The following RAD51B variants were observed in gnomAD, a reference collection of about 807,000 sequenced individuals.
RAD51B encodes the protein RAD51 paralog B, also known as DNA repair protein RAD51 homolog 2.
In RAD51B, 38 loss-of-function variants were observed where a neutral mutation model predicts 42.2. That is an observed-to-expected ratio of 0.90 (90% CI 0.70 to 1.18). The LOEUF is 1.18. Ranked by LOEUF, RAD51B falls within the 50% of genes most tolerant of loss-of-function variation. The pLI is 0.00. For missense variants in RAD51B, 373 were observed against 400.7 expected (o/e 0.93, Z 0.59); for synonymous variants, 154 against 145.2 (o/e 1.06, Z -0.43).
chr14:68,142,822 C>T (rs2078155631), intron 7 of RAD51B, among the ~76,000 whole-genome samples: 1 of 152,108 alleles, frequency 6.6e-6, no homozygotes, highest in Non-Finnish European at 1.5e-5. Context: ...GGAGACCACA[C>T]ATTTTGGATA....
intron 7 of RAD51B, among the ~76,000 whole-genome samples, chr14:67,940,782 G>GGA (rs551672892): frequency 6.7e-6 from 1 of 148,288 alleles, no homozygotes; most frequent in Non-Finnish European, 1.5e-5. Context: ...GTATCAGTAG[G>GGA]AAAAAAAAAA....
rs75861629 is a variant in RAD51B, at chr14:67,877,017, A to C, written c.453-8852A>C. ...TACTACCTCCATTTTATGAATTAGT[A>C]GTTATCAGTTGAGGGAGTAAGGCAG... On this transcript the variant is annotated intron_variant, in intron 5 of 10. Transcript: ENST00000471583. Among the ~76,000 whole-genome samples, 844 of 152,254 alleles carry C rather than the reference A, an allele frequency of 5.5e-3. 4 individuals carry two copies. The highest frequency in any genetic ancestry group is 8.8e-3 in the Non-Finnish European group (597 of 68,022).
intron 10 of RAD51B, among the ~76,000 whole-genome samples, chr14:68,641,934 G>T (rs1478839604): frequency 6.6e-6 from 1 of 151,480 alleles, no homozygotes; most frequent in African/African-American, 2.4e-5. Context: ...AACCAGCATT[G>T]CATACCTGAG....
At chr14:68,367,080 A>G (rs1258498500) in intron 8 of RAD51B, among the ~76,000 whole-genome samples, 2 of 152,342 alleles carry the variant, frequency 1.3e-5, no homozygotes, top group South Asian at 2.1e-4. Flanking sequence ...TTTTCAGAGC[A>G]TTTTGAAGTG....
At chr14:67,916,864 G>A (rs1461097702) in intron 7 of RAD51B, among the ~76,000 whole-genome samples, 1 of 152,180 alleles carries the variant, frequency 6.6e-6, no homozygotes, top group Non-Finnish European at 1.5e-5. Flanking sequence ...CCTTAGTGCA[G>A]TTTCCATTCT....
intron 7 of RAD51B, among the ~76,000 whole-genome samples, chr14:68,198,791 C>G (rs374145602): frequency 6.6e-6 from 1 of 152,196 alleles, no homozygotes; most frequent in African/African-American, 2.4e-5. Flanking sequence ...GACATTGACA[C>G]CAGTCTCCCA....
chr14:68,516,541 A>G (rs1263548477), intron 10 of RAD51B, among the ~76,000 whole-genome samples: 1 of 152,230 alleles, frequency 6.6e-6, no homozygotes, highest in Non-Finnish European at 1.5e-5. Context: ...AGGGAGGAAT[A>G]TTTTAATAGT....
intron 7 of RAD51B, among the ~76,000 whole-genome samples, chr14:68,196,821 A>G (rs970733844): frequency 1.3e-5 from 2 of 152,240 alleles, no homozygotes; most frequent in African/African-American, 2.4e-5. Flanking sequence ...TTTGGATCAA[A>G]TGCTATGCTT....
In RAD51B at chr14:68,650,791, CA is replaced by C; in HGVS notation, c.1048del (p.Ile350PhefsTer12). On this transcript the variant is annotated frameshift_variant, in exon 11 of 12. Transcript: ENST00000488612. LOFTEE classifies it high-confidence loss of function. Reference sequence around the variant, plus strand: ...TTTTTGTTTACACAGAATTTTGGCACATTTGCATATCTGGTTTCTCAATCCA... The same window carrying C: ...TTTTTGTTTACACAGAATTTTGGCACTTTGCATATCTGGTTTCTCAATCCA... The C allele has an allele frequency of 1.3e-6, 1 of 760,216 alleles. No homozygotes were observed. The highest frequency in any genetic ancestry group is 1.4e-5 in the South Asian group (1 of 73,906). The allele number at this position is 760,216 out of a possible 1,614,324, so 47.1% of individuals were successfully genotyped here. A position where few individuals can be genotyped will look rare whatever the true frequency, so the allele number is the denominator to read the frequency against.
At chr14:68,573,619 A>G (rs773747209) in intron 10 of RAD51B, among the ~76,000 whole-genome samples, 5 of 152,164 alleles carry the variant, frequency 3.3e-5, no homozygotes, top group Non-Finnish European at 5.9e-5. Flanking sequence ...TGTCTCTCCC[A>G]CGGGGAATAA....
At chr14:68,297,437 T>A (rs1235479467) in intron 8 of RAD51B, among the ~76,000 whole-genome samples, 1 of 152,212 alleles carries the variant, frequency 6.6e-6, no homozygotes, top group East Asian at 1.9e-4. Context: ...TTGTCCTGCA[T>A]TACCCAAATT....
intron 9 of RAD51B, among the ~76,000 whole-genome samples, chr14:68,428,667 TC>T (rs1435781764): frequency 6.9e-6 from 1 of 144,792 alleles, no homozygotes; most frequent in Non-Finnish European, 1.5e-5. Flanking sequence ...TAGCATAATG[TC>T]CCCCAGGTTC....
chr14:67,880,812 G>C (rs2042882410), intron 5 of RAD51B, among the ~76,000 whole-genome samples: 1 of 152,194 alleles, frequency 6.6e-6, no homozygotes, highest in East Asian at 1.9e-4. Context: ...AGAGTGTTAG[G>C]TTTTGTTTTA....
chr14:67,940,120 C>T (rs1251593725), intron 7 of RAD51B, among the ~76,000 whole-genome samples: 2 of 110,388 alleles, frequency 1.8e-5, no homozygotes, highest in Admixed American at 1.3e-4. Flanking sequence ...GTTGCCCAGC[C>T]TGGAGTGCAA....
intron 10 of RAD51B, among the ~76,000 whole-genome samples, chr14:68,517,255 G>GGGAAGT (rs948507777): frequency 7.9e-5 from 12 of 152,184 alleles, no homozygotes; most frequent in Middle Eastern, 3.4e-3. Context: ...GAAGGGGAAG[G>GGGAAGT]GGAAGGGAGG....
intron 7 of RAD51B, among the ~76,000 whole-genome samples, chr14:68,183,229 C>T (rs2079088225): frequency 6.6e-6 from 1 of 152,168 alleles, no homozygotes; most frequent in South Asian, 2.1e-4. Flanking sequence ...AGTAGGGAAA[C>T]CAACAGTGCA....
At chr14:68,184,636 A>AAC (rs1555370061) in intron 7 of RAD51B, among the ~76,000 whole-genome samples, 20 of 151,376 alleles carry the variant, frequency 1.3e-4, no homozygotes, top group South Asian at 4.2e-4. Flanking sequence ...AAAAAAAAAA[A>AAC]CAGGAAGAAG....
intron 8 of RAD51B, among the ~76,000 whole-genome samples, chr14:68,319,560 A>G (rs139802763): frequency 6.6e-6 from 1 of 152,172 alleles, no homozygotes; most frequent in Non-Finnish European, 1.5e-5. Flanking sequence ...TCATTTTTTT[A>G]TCTTCTTGTA....
chr14:68,297,504 A>G (rs984265497), intron 8 of RAD51B, among the ~76,000 whole-genome samples: 1 of 152,196 alleles, frequency 6.6e-6, no homozygotes, highest in Non-Finnish European at 1.5e-5. Context: ...AGAAATCTCT[A>G]CATGCTTTAG....
Sources: gnomAD v4.1 joint callset for allele counts (sites outside exome capture counted in the v4.1 genomes callset) on GRCh38, gnomAD v4.1.1 for gene constraint, MANE v1.5 for transcripts, NCBI Gene and HGNC (gene_info 2026-07-23, HGNC 2026-07-21) for gene names.